Variants in PDLIM1 observed in about 807,000 individuals in gnomAD.
The protein encoded by PDLIM1 is PDZ and LIM domain 1, also known as PDZ and LIM domain protein 1.
A neutral mutation model predicts 35.2 loss-of-function variants in PDLIM1; 25 were observed. The observed-to-expected ratio is 0.71, with a 90% confidence interval of 0.52 to 0.99. The LOEUF (loss-of-function observed/expected upper bound fraction) is 0.99, where lower values mean the gene tolerates loss of function less well. PDLIM1 is among the 50% of genes least tolerant of loss of function. The pLI, the probability that PDLIM1 is intolerant of heterozygous loss-of-function variation, is 0.00. For missense variants in PDLIM1, 363 were observed against 415.3 expected, an observed-to-expected ratio of 0.87 and a Z score of 1.09; for synonymous variants, 152 against 154.0, an observed-to-expected ratio of 0.99 and a Z score of 0.10.
chr10:95,288,300 T>C (rs142631018), intron 1 of PDLIM1, among the ~76,000 whole-genome samples: 2 of 152,266 alleles, frequency 1.3e-5, no homozygotes, highest in African/African-American at 2.4e-5. Flanking sequence ...AAAGCAAACA[T>C]GGTTATTTAA....
intron 3 of PDLIM1, among the ~76,000 whole-genome samples, chr10:95,266,225 A>G (rs2035416019): frequency 6.6e-6 from 1 of 152,180 alleles, no homozygotes; most frequent in Non-Finnish European, 1.5e-5. Context: ...TAAATAACAA[A>G]AAATAAAAAA....
intron 4 of PDLIM1, among the ~76,000 whole-genome samples, chr10:95,258,480 G>A (rs2035335238): frequency 6.6e-6 from 1 of 151,726 alleles, no homozygotes; most frequent in African/African-American, 2.4e-5. Flanking sequence ...CCAGCCTGGG[G>A]GACAGAGCGA....
chr10:95,239,796 A>T (rs1350216264), intron 5 of PDLIM1, among the ~76,000 whole-genome samples: 1 of 152,152 alleles, frequency 6.6e-6, no homozygotes. Context: ...ACTCCATCTC[A>T]ATAAAAGAAA....
intron 1 of PDLIM1, among the ~76,000 whole-genome samples, chr10:95,283,393 A>T (rs2035575848): frequency 6.6e-6 from 1 of 152,242 alleles, no homozygotes; most frequent in South Asian, 2.1e-4. Context: ...TAAATGGACA[A>T]GATAAGGTTT....
At chr10:95,243,184 A>G (rs1420353977) in intron 5 of PDLIM1, among the ~76,000 whole-genome samples, 2 of 151,960 alleles carry the variant, frequency 1.3e-5, no homozygotes, top group Non-Finnish European at 2.9e-5. Flanking sequence ...CCAACAGAAG[A>G]CTCACTGTGG....
Position 95,247,359 on chromosome 10 carries a change from G to T in PDLIM1, c.541C>A (p.His181Asn). Residue 181 changes from histidine (H) to asparagine (N), a missense_variant, in exon 5 of 7, where the codon CAT (histidine) becomes AAT (asparagine). Coordinates refer to ENST00000329399, the MANE Select transcript of PDLIM1 (RefSeq NM_020992.4). ...ACAAGGCTGCTTGGAGGCTGAGCAT[G>T]GTCTAAGCTGTAAAGAATGTTTGAA... is the stretch of plus-strand genomic sequence containing the variant. Reference protein sequence around the residue: ...GVEANSRPLDHAQPPSSLVID... With the variant: ...GVEANSRPLDNAQPPSSLVID... 6.2e-7 allele frequency: 1 copy of T among 1,610,548 alleles called. No individual in the cohort carries two copies. Among genetic ancestry groups the T allele is most frequent in the Non-Finnish European group, 8.5e-7 (1 of 1,179,032 alleles).
intron 4 of PDLIM1, among the ~76,000 whole-genome samples, chr10:95,253,542 G>C (rs1304102632): frequency 1.3e-5 from 2 of 151,952 alleles, no homozygotes; most frequent in African/African-American, 2.4e-5. Flanking sequence ...GTTAATTCCA[G>C]CTACTCAAGA....
intron 1 of PDLIM1, among the ~76,000 whole-genome samples, chr10:95,283,941 C>T (rs12269063): frequency 0.016 from 2,497 of 152,092 alleles, 71 homozygotes; most frequent in African/African-American, 0.055. Context: ...ACTGGAATCA[C>T]ACAGTATTTA....
At chr10:95,274,290 A>AT (rs1353462203) in intron 1 of PDLIM1, among the ~76,000 whole-genome samples, 38 of 119,772 alleles carry the variant, frequency 3.2e-4, no homozygotes, top group African/African-American at 1.1e-3. Context: ...CCCCACAGTC[A>AT]TCCTTTTTTT....
chr10:95,247,422 C>T, intron 4 of PDLIM1, 56 bp from the exon 5 acceptor site: 1 of 1,402,560 alleles, frequency 7.1e-7, no homozygotes, highest in Admixed American at 1.9e-5. Context: ...AAAATAACTT[C>T]ACCAGGAACC....
At chr10:95,251,595 C>T (rs1420900250) in intron 4 of PDLIM1, among the ~76,000 whole-genome samples, 4 of 152,224 alleles carry the variant, frequency 2.6e-5, no homozygotes, top group South Asian at 2.1e-4. Context: ...ACAGTAAGAA[C>T]ATTTTGATAC....
intron 4 of PDLIM1, among the ~76,000 whole-genome samples, chr10:95,255,786 T>C (rs181768147): frequency 1.2e-3 from 186 of 152,112 alleles, no homozygotes; most frequent in African/African-American, 4.3e-3. Context: ...ATCAGAGACC[T>C]TAGGCAAGTC....
chr10:95,244,930 A>G (rs2035207084), intron 5 of PDLIM1, among the ~76,000 whole-genome samples: 1 of 152,164 alleles, frequency 6.6e-6, no homozygotes, highest in Non-Finnish European at 1.5e-5. Flanking sequence ...ACAAACAGGC[A>G]TTTGGGTTCC....
At position 95,277,626 on chromosome 10, in the gene PDLIM1, G is replaced by C. The variant is rs539484068; in HGVS notation, c.97-5842C>G. 4.1e-5 allele frequency among the ~76,000 whole-genome samples: 6 copies of C among 147,902 alleles called. 1 individual carries two copies. In the South Asian group the frequency reaches 1.3e-3, roughly 32 times the overall value. ...CCACTGCACTCCAGCCTGGGCAACA[G>C]AGTAAGAATGTCTAAAAATAAAATA... On this transcript the variant is annotated intron_variant, in intron 1 of 6. Coordinates refer to ENST00000329399, the MANE Select transcript of PDLIM1 (RefSeq NM_020992.4).
chr10:95,238,106 A>G lies in PDLIM1; in HGVS notation c.809T>C (p.Val270Ala). 1 of 1,613,690 alleles carries G rather than the reference A, an allele frequency of 6.2e-7. No individual in the cohort carries two copies. The highest frequency in any genetic ancestry group is 8.5e-7 in the Non-Finnish European group (1 of 1,179,768). Residue 270 changes from valine (V) to alanine (A), a missense_variant, in exon 7 of 7, where the codon GTG (valine) becomes GCG (alanine). Val to Ala is a moderately conservative substitution (Grantham distance 64). Transcript: ENST00000329399. The part of the protein sequence containing the change: ...CDKCGTGIVG[V>A]FVKLRDRHRH... ...GTGACGGTCCCGCAGCTTCACAAACACACCACTACAGAAGCAAGGGAGGGA... is the reference window on the plus strand; with the variant it reads ...GTGACGGTCCCGCAGCTTCACAAACGCACCACTACAGAAGCAAGGGAGGGA...
chr10:95,260,919 G>A (rs1028529294), intron 4 of PDLIM1, among the ~76,000 whole-genome samples: 1 of 152,218 alleles, frequency 6.6e-6, no homozygotes, highest in African/African-American at 2.4e-5. Flanking sequence ...ACACCAGCAA[G>A]CTGAGATCCC....
chr10:95,265,902 T>TA (rs1259124219), intron 3 of PDLIM1, among the ~76,000 whole-genome samples: 1 of 143,168 alleles, frequency 7.0e-6, no homozygotes, highest in Non-Finnish European at 1.5e-5. Context: ...CTCTCATCCC[T>TA]AAAAAAACAA....
intron 1 of PDLIM1, among the ~76,000 whole-genome samples, chr10:95,277,254 T>G (rs2035520357): frequency 6.6e-6 from 1 of 151,732 alleles, no homozygotes; most frequent in Admixed American, 6.6e-5. Context: ...CTCCCATTAG[T>G]TCAATGAACG....
chr10:95,288,498 G>A (rs1411661468), intron 1 of PDLIM1, among the ~76,000 whole-genome samples: 1 of 151,796 alleles, frequency 6.6e-6, no homozygotes, highest in African/African-American at 2.4e-5. Flanking sequence ...TATTTACGGA[G>A]CACTCTCACA....
Sources: gnomAD v4.1 joint callset for allele counts (sites outside exome capture counted in the v4.1 genomes callset) on GRCh38, gnomAD v4.1.1 for gene constraint, MANE v1.5 for transcripts, NCBI Gene and HGNC (gene_info 2026-07-23, HGNC 2026-07-21) for gene names.